The following CDH18 variants were observed in gnomAD, a reference collection of about 807,000 sequenced individuals.
CDH18 encodes cadherin 18.
CDH18 carries 31 observed loss-of-function variants against 67.9 expected under a neutral mutation model. The observed-to-expected ratio is 0.46, with a 90% CI of 0.34 to 0.62. The LOEUF (loss-of-function observed/expected upper bound fraction) is 0.62, where lower values mean the gene tolerates loss of function less well. Among genes scored for constraint, CDH18 ranks in the 20% least tolerant of loss-of-function variants. CDH18 has a pLI of 0.01. For synonymous variants in CDH18, 362 were observed against 347.2 expected, an observed-to-expected ratio of 1.04 and a Z score of -0.48; for missense variants, 890 against 975.5, an observed-to-expected ratio of 0.91 and a Z score of 1.17.
intron 2 of CDH18, among the ~76,000 whole-genome samples, chr5:19,944,345 T>C (rs1795099692): frequency 6.6e-6 from 1 of 152,132 alleles, no homozygotes; most frequent in Admixed American, 6.6e-5. Context: ...AGAAACTATA[T>C]ATTTAATTGG....
At chr5:19,607,509 T>A (rs561079625) in intron 6 of CDH18, among the ~76,000 whole-genome samples, 13 of 151,278 alleles carry the variant, frequency 8.6e-5, no homozygotes, top group African/African-American at 2.7e-4. Context: ...GTAAAATTTT[T>A]AAAAAGTGAA....
At chr5:20,389,512 C>T (rs776240824) in intron 1 of CDH18, among the ~76,000 whole-genome samples, 4 of 152,044 alleles carry the variant, frequency 2.6e-5, no homozygotes, top group Non-Finnish European at 4.4e-5. Flanking sequence ...ATCCAATTTG[C>T]TGTCTGTGTC....
rs559336643 is a variant in CDH18, at chr5:20,264,342, A to AC, written c.-579-8838_-579-8837insG. On this transcript the variant is annotated intron_variant, in intron 1 of 14. Transcript: ENST00000507958. The stretch of plus-strand genomic sequence containing the variant: ...TGCTTTAAAATTATCCCAAGGCATA[A>AC]AAATGTAAATATTAGCATAATTATT... Among the ~76,000 whole-genome samples, 1,359 of 152,226 alleles carry AC rather than the reference A, an allele frequency of 8.9e-3. 11 individuals carry two copies. Among genetic ancestry groups the AC allele is most frequent in the African/African-American group, 0.012 (490 of 41,566 alleles).
chr5:20,198,077 T>A (rs2126741203), intron 2 of CDH18, among the ~76,000 whole-genome samples: 1 of 152,226 alleles, frequency 6.6e-6, no homozygotes, highest in African/African-American at 2.4e-5. Context: ...TCCTGAGGCA[T>A]CCCCAGCCAT....
intron 1 of CDH18, among the ~76,000 whole-genome samples, chr5:20,295,863 C>CT (rs200797343): frequency 0.074 from 7,911 of 107,452 alleles, 277 homozygotes; most frequent in Middle Eastern, 0.18. Context: ...TATTTTCTTT[C>CT]TTTTTTTTCT....
chr5:20,305,275 CTT>C, intron 1 of CDH18: 1 of 1,452,556 alleles, frequency 6.9e-7, no homozygotes, highest in Non-Finnish European at 9.7e-7. Flanking sequence ...ACCTTTAAAA[CTT>C]TTAAAGCCTC....
At chr5:20,008,628 A>T (rs2150411706) in intron 2 of CDH18, among the ~76,000 whole-genome samples, 1 of 152,262 alleles carries the variant, frequency 6.6e-6, no homozygotes, top group South Asian at 2.1e-4. Flanking sequence ...GTTTACAATG[A>T]TTCCCATGAC....
intron 2 of CDH18, among the ~76,000 whole-genome samples, chr5:19,949,070 A>C (rs1425633888): frequency 6.6e-6 from 1 of 152,190 alleles, no homozygotes; most frequent in Non-Finnish European, 1.5e-5. Context: ...AAAAGTAAGC[A>C]CAGCTACACA....
At chr5:20,199,985 C>G (rs1739319055) in intron 2 of CDH18, among the ~76,000 whole-genome samples, 1 of 152,120 alleles carries the variant, frequency 6.6e-6, no homozygotes, top group Admixed American at 6.6e-5. Context: ...AACTGTGAAT[C>G]AAGTAAAACT....
intron 12 of CDH18, among the ~76,000 whole-genome samples, chr5:19,480,546 T>C (rs1487480292): frequency 6.6e-6 from 1 of 151,264 alleles, no homozygotes; most frequent in Non-Finnish European, 1.5e-5. Context: ...CCCGACTAAT[T>C]TTTTGTGTTT....
intron 2 of CDH18, among the ~76,000 whole-genome samples, chr5:20,169,628 C>T (rs1736545611): frequency 6.6e-6 from 1 of 152,112 alleles, no homozygotes; most frequent in Non-Finnish European, 1.5e-5. Flanking sequence ...TAATTTAGCT[C>T]TTTATCCATC....
At chr5:19,837,789 T>C (rs575252833) in intron 3 of CDH18, among the ~76,000 whole-genome samples, 9 of 125,456 alleles carry the variant, frequency 7.2e-5, no homozygotes, top group African/African-American at 2.4e-4. Flanking sequence ...AGTGCTAAAG[T>C]GAGAATAAAT....
intron 11 of CDH18, among the ~76,000 whole-genome samples, chr5:19,490,339 T>A (rs1195868424): frequency 6.7e-6 from 1 of 148,362 alleles, no homozygotes; most frequent in Non-Finnish European, 1.5e-5. Context: ...GCAAGTGACA[T>A]GCAATGATAA....
chr5:19,671,777 C>G (rs917187998), intron 5 of CDH18, among the ~76,000 whole-genome samples: 1 of 152,026 alleles, frequency 6.6e-6, no homozygotes, highest in Admixed American at 6.6e-5. Flanking sequence ...ATGGAGAAAC[C>G]TAATTTTGAA....
At chr5:19,755,431 G>GTATATATATA (rs1256145011) in intron 3 of CDH18, among the ~76,000 whole-genome samples, 2 of 77,342 alleles carry the variant, frequency 2.6e-5, no homozygotes, top group African/African-American at 4.1e-5. Flanking sequence ...AACAGGGTAT[G>GTATATATATA]TATATATATA....
At chr5:20,436,477 A>T (rs1316389164) in intron 1 of CDH18, among the ~76,000 whole-genome samples, 2 of 151,938 alleles carry the variant, frequency 1.3e-5, no homozygotes, top group African/African-American at 2.4e-5. Context: ...CATGGTTATT[A>T]TCAATAAATA....
At position 19,877,128 on chromosome 5, in the gene CDH18, G is replaced by GATTT. The variant is rs1250269428; in HGVS notation, c.-256-37890_-256-37887dup. On this transcript the variant is annotated intron_variant, in intron 2 of 12. Coordinates refer to ENST00000382275, the MANE Select transcript of CDH18 (RefSeq NM_004934.5). ...CTGTGTTAAGCCACGGAGACTTGGAGATTTGCCTTTTAGCAGTATTACTGT... is the reference window on the plus strand; with the variant it reads ...CTGTGTTAAGCCACGGAGACTTGGAGATTTATTTGCCTTTTAGCAGTATTACTGT... Among the ~76,000 whole-genome samples, 6 of 152,164 alleles carry GATTT rather than the reference G, an allele frequency of 3.9e-5. No individual in the cohort carries two copies. The East Asian group carries it at 7.7e-4, about 20-fold the overall frequency.
chr5:19,960,099 T>C (rs1796643303), intron 2 of CDH18, among the ~76,000 whole-genome samples: 1 of 152,080 alleles, frequency 6.6e-6, no homozygotes, highest in South Asian at 2.1e-4. Context: ...GTAGTCTTTA[T>C]AAACACTGTA....
chr5:20,172,216 A>ATATATACGTATATATATATATACG (rs1736838827), intron 2 of CDH18, among the ~76,000 whole-genome samples: 1 of 78,800 alleles, frequency 1.3e-5, no homozygotes, highest in Non-Finnish European at 2.4e-5. Flanking sequence ...ATATATATAT[A>ATATATACGTATATATATATATACG]TATATATGTA....
Sources: allele counts gnomAD v4.1 joint callset (sites outside exome capture counted in the v4.1 genomes callset), GRCh38; gene constraint gnomAD v4.1.1; transcripts MANE v1.5; gene names NCBI Gene and HGNC (gene_info 2026-07-23, HGNC 2026-07-21).